Variants in MIPOL1 observed in about 807,000 individuals in gnomAD.
MIPOL1 encodes mirror-image polydactyly gene 1 protein.
MIPOL1 carries 57 observed loss-of-function variants against 60.9 expected under a neutral mutation model. The ratio of observed to expected loss-of-function variants is 0.94; its 90% CI spans 0.76 to 1.17. MIPOL1 has a LOEUF of 1.17. MIPOL1 is among the 50% of genes most tolerant of loss of function. The pLI, the probability that MIPOL1 is intolerant of heterozygous loss-of-function variation, is 0.00. For synonymous variants in MIPOL1, 179 were observed against 168.8 expected, an observed-to-expected ratio of 1.06 and a Z score of -0.47; for missense variants, 551 against 511.6, an observed-to-expected ratio of 1.08 and a Z score of -0.74.
chr14:37,356,231 TC>T (rs2091811422), intron 9 of MIPOL1, among the ~76,000 whole-genome samples: 2 of 149,702 alleles, frequency 1.3e-5, no homozygotes, highest in Admixed American at 1.3e-4. Flanking sequence ...GGGTCAGGGG[TC>T]AGGGACCCAC....
Position 37,548,004 on chromosome 14 carries a change from G to A in MIPOL1, c.*1033G>A, listed in dbSNP as rs987360805. The A allele has an allele frequency of 2.6e-5, 4 of 151,998 alleles. No homozygotes were observed. The highest frequency in any genetic ancestry group is 4.8e-5 in the African/African-American group (2 of 41,436). 9.4% of individuals were successfully genotyped at this position (151,998 alleles called of 1,614,324 possible). A position where few individuals can be genotyped will look rare whatever the true frequency, so the allele number is the denominator to read the frequency against. On this transcript the variant is annotated 3_prime_UTR_variant, in exon 13 of 13. Transcript: ENST00000684589. ...TAGCAGTCATATGAAGTTATGAATA[G>A]AACTGAGATTTTTATGTAATTAGTT...
rs768267694 is a variant in MIPOL1 at position 37,549,626 on chromosome 14, C to T, written c.*2655C>T. ...TTTCAAAGTAAAGATTTTACTCTTGCAATTTCTGTTGTGATAGTACCATCT... is the reference window on the plus strand; with the variant it reads ...TTTCAAAGTAAAGATTTTACTCTTGTAATTTCTGTTGTGATAGTACCATCT... On this transcript the variant is annotated 3_prime_UTR_variant, in exon 13 of 13. Transcript: ENST00000684589. The T allele has an allele frequency of 4.6e-5, 7 of 151,814 alleles. No homozygotes were observed. Among genetic ancestry groups the T allele is most frequent in the Non-Finnish European group, 8.8e-5 (6 of 67,802 alleles). 9.4% of individuals were successfully genotyped at this position (151,814 alleles called of 1,614,324 possible). A position where few individuals can be genotyped will look rare whatever the true frequency, so the allele number is the denominator to read the frequency against.
At chr14:37,230,809 T>A (rs1366414910) in intron 1 of MIPOL1, among the ~76,000 whole-genome samples, 1 of 152,186 alleles carries the variant, frequency 6.6e-6, no homozygotes, top group Non-Finnish European at 1.5e-5. Flanking sequence ...AATGATATTG[T>A]GCTACTGCAT....
chr14:37,250,054 T>C lies in MIPOL1; in HGVS notation c.19+2147T>C, dbSNP rs879738835. Among the ~76,000 whole-genome samples the C allele has an allele frequency of 9.2e-5, 14 of 152,150 alleles. No homozygotes were observed. In the South Asian group the frequency reaches 1.4e-3, roughly 16 times the overall value. The stretch of plus-strand genomic sequence containing the variant: ...AGCTGATGAAGCTCTGGGATACTTA[T>C]GAAAAGGAAAGTTTTATGGTTGAAG... On this transcript the variant is annotated intron_variant, in intron 3 of 12. Coordinates refer to ENST00000684589, the MANE Select transcript of MIPOL1 (RefSeq NM_001388067.1).
At chr14:37,520,072 A>G (rs1417162444) in intron 12 of MIPOL1, among the ~76,000 whole-genome samples, 1 of 152,168 alleles carries the variant, frequency 6.6e-6, no homozygotes, top group Admixed American at 6.5e-5. Flanking sequence ...ATATGAGAAT[A>G]TATGGTTTTT....
At chr14:37,203,189 A>G (rs536192083) in intron 1 of MIPOL1, among the ~76,000 whole-genome samples, 2 of 152,336 alleles carry the variant, frequency 1.3e-5, no homozygotes, top group African/African-American at 4.8e-5. Flanking sequence ...GAACTGTTTT[A>G]GAGCATTAAT....
At chr14:37,198,655 G>A (rs1964727008) in intron 1 of MIPOL1, among the ~76,000 whole-genome samples, 1 of 152,136 alleles carries the variant, frequency 6.6e-6, no homozygotes, top group African/African-American at 2.4e-5. Flanking sequence ...AAGCTCTATG[G>A]ATGGAGGGAA....
chr14:37,210,339 C>T (rs9322977), intron 1 of MIPOL1, among the ~76,000 whole-genome samples: 1 of 151,576 alleles, frequency 6.6e-6, no homozygotes, highest in African/African-American at 2.4e-5. Flanking sequence ...CACAAGTTAG[C>T]GTTCCCATTA....
intron 9 of MIPOL1, among the ~76,000 whole-genome samples, chr14:37,329,265 T>C (rs1322409872): frequency 6.6e-6 from 1 of 152,082 alleles, no homozygotes; most frequent in East Asian, 1.9e-4. Context: ...GGGTAAATGA[T>C]TGACTTCATT....
At chr14:37,281,577 G>T (rs1395561010) in intron 6 of MIPOL1, among the ~76,000 whole-genome samples, 1 of 152,012 alleles carries the variant, frequency 6.6e-6, no homozygotes, top group East Asian at 1.9e-4. Flanking sequence ...GCTAATTTTT[G>T]TATTTTTGGT....
chr14:37,468,336 A>G (rs1031986256), intron 11 of MIPOL1, among the ~76,000 whole-genome samples: 2 of 152,136 alleles, frequency 1.3e-5, no homozygotes, highest in East Asian at 1.9e-4. Context: ...GAAATCCACA[A>G]TGATATTATA....
At chr14:37,210,885 A>C (rs534995825) in intron 1 of MIPOL1, among the ~76,000 whole-genome samples, 2 of 152,186 alleles carry the variant, frequency 1.3e-5, no homozygotes, top group Admixed American at 6.5e-5. Context: ...TTAGTTTTAC[A>C]AAAGTGGTGT....
intron 7 of MIPOL1, among the ~76,000 whole-genome samples, chr14:37,297,489 G>T (rs1366477561): frequency 6.6e-6 from 1 of 152,034 alleles, no homozygotes; most frequent in Non-Finnish European, 1.5e-5. Flanking sequence ...AAAGGGCATT[G>T]AATTAGGAAA....
At chr14:37,450,618 T>A (rs2094403411) in intron 11 of MIPOL1, among the ~76,000 whole-genome samples, 1 of 152,158 alleles carries the variant, frequency 6.6e-6, no homozygotes, top group Admixed American at 6.5e-5. Flanking sequence ...TTATAGATGC[T>A]TGCAACTTGA....
chr14:37,492,556 C>G (rs1385939460), intron 11 of MIPOL1, among the ~76,000 whole-genome samples: 3 of 152,090 alleles, frequency 2.0e-5, no homozygotes, highest in Non-Finnish European at 4.4e-5. Context: ...AGGTATTGTG[C>G]CAGTTATTTT....
chr14:37,200,479 G>A (rs1594394321), intron 1 of MIPOL1, among the ~76,000 whole-genome samples: 1 of 152,118 alleles, frequency 6.6e-6, no homozygotes, highest in East Asian at 1.9e-4. Flanking sequence ...CTTTTATAAG[G>A]TGTTTATGGA....
At chr14:37,265,632 C>T (rs2082821689) in intron 3 of MIPOL1, among the ~76,000 whole-genome samples, 1 of 152,190 alleles carries the variant, frequency 6.6e-6, no homozygotes, top group South Asian at 2.1e-4. Flanking sequence ...TGGAATCATA[C>T]TTGCCAAAAT....
intron 10 of MIPOL1, among the ~76,000 whole-genome samples, chr14:37,376,874 A>G (rs1363066676): frequency 6.6e-6 from 1 of 152,186 alleles, no homozygotes; most frequent in Non-Finnish European, 1.5e-5. Flanking sequence ...CTTCCAAGAT[A>G]GTTGTACCAT....
intron 4 of MIPOL1, among the ~76,000 whole-genome samples, 193 bp from the exon 5 acceptor site, chr14:37,268,465 C>G (rs2083044626): frequency 6.6e-6 from 1 of 152,130 alleles, no homozygotes; most frequent in Non-Finnish European, 1.5e-5. Flanking sequence ...CACTAAATTT[C>G]TTCTTAGTGA....
Sources: gnomAD v4.1 joint callset for allele counts (sites outside exome capture counted in the v4.1 genomes callset) on GRCh38, gnomAD v4.1.1 for gene constraint, MANE v1.5 for transcripts, NCBI Gene and HGNC (gene_info 2026-07-23, HGNC 2026-07-21) for gene names.